The following GALNT13 variants were observed in gnomAD, a reference collection of about 807,000 sequenced individuals.
GALNT13 encodes the protein UDP-GalNAc:polypeptide N-acetylgalactosaminyltransferase 13.
In GALNT13, 28 loss-of-function variants were observed where a neutral mutation model predicts 64.2. That is an observed-to-expected ratio of 0.44 (90% confidence interval 0.32 to 0.60). The LOEUF (loss-of-function observed/expected upper bound fraction) is 0.60. Ranked by LOEUF, GALNT13 falls within the 20% of genes least tolerant of loss-of-function variation. GALNT13 has a pLI of 0.05. For missense variants in GALNT13, 577 were observed against 669.8 expected (o/e 0.86, Z 1.53); for synonymous variants, 214 against 224.6 (o/e 0.95, Z 0.42).
chr2:154,054,439 G>A (rs934964405), intron 3 of GALNT13, among the ~76,000 whole-genome samples: 6 of 151,980 alleles, frequency 3.9e-5, no homozygotes, highest in Admixed American at 2.0e-4. Flanking sequence ...CATAAATTCT[G>A]CCATAGAAGT....
chr2:154,317,488 C>T (rs989801949), intron 9 of GALNT13, among the ~76,000 whole-genome samples: 1 of 151,982 alleles, frequency 6.6e-6, no homozygotes, highest in Non-Finnish European at 1.5e-5. Context: ...ATTTCTTATC[C>T]AAACTTTCTA....
chr2:154,198,288 T>C (rs1686983495), intron 4 of GALNT13, among the ~76,000 whole-genome samples: 1 of 152,080 alleles, frequency 6.6e-6, no homozygotes. Context: ...TCAGAATAAG[T>C]TACCAGCAGG....
At chr2:153,606,758 G>C in the GALNT13 span, among the ~76,000 whole-genome samples, 1 of 151,844 alleles carries the variant, frequency 6.6e-6, no homozygotes, top group African/African-American at 2.4e-5. Context: ...TCTAAAGGTG[G>C]CATTCTGGCC....
the GALNT13 span, among the ~76,000 whole-genome samples, chr2:153,195,900 G>C: frequency 2.0e-5 from 3 of 152,302 alleles, no homozygotes; most frequent in East Asian, 5.8e-4. Context: ...GGTGTCCCAT[G>C]AGTGTTCAGC....
At chr2:153,974,551 C>A (rs72993639) in intron 3 of GALNT13, among the ~76,000 whole-genome samples, 8,487 of 151,948 alleles carry the variant, frequency 0.056, 353 homozygotes, top group East Asian at 0.13. Flanking sequence ...TATTTTGGAG[C>A]TTGCATGCTA....
At chr2:153,609,435 CCT>C in the GALNT13 span, among the ~76,000 whole-genome samples, 33 of 152,100 alleles carry the variant, frequency 2.2e-4, no homozygotes, top group African/African-American at 8.0e-4. Context: ...CCCTGCCACC[CCT>C]GTTGACTTCC....
chr2:153,510,254 T>G, the GALNT13 span, among the ~76,000 whole-genome samples: 1 of 152,126 alleles, frequency 6.6e-6, no homozygotes, highest in Admixed American at 6.5e-5. Context: ...GGGACAAGGG[T>G]AAACGTTTCT....
chr2:153,260,879 TC>T, the GALNT13 span, among the ~76,000 whole-genome samples: 1 of 152,060 alleles, frequency 6.6e-6, no homozygotes, highest in South Asian at 2.1e-4. Context: ...TGAGCTTCAT[TC>T]TTTTTTATTC....
At chr2:153,168,512 G>T in the GALNT13 span, among the ~76,000 whole-genome samples, 1 of 151,950 alleles carries the variant, frequency 6.6e-6, no homozygotes, top group African/African-American at 2.4e-5. Context: ...GCTAATTAAC[G>T]CATCTCTCCA....
At chr2:153,242,410 G>A in the GALNT13 span, among the ~76,000 whole-genome samples, 2 of 152,174 alleles carry the variant, frequency 1.3e-5, no homozygotes, top group African/African-American at 2.4e-5. Context: ...AGGGAAAGGG[G>A]AAGGAAAGAA....
At chr2:153,759,230 A>G in the GALNT13 span, among the ~76,000 whole-genome samples, 11 of 152,304 alleles carry the variant, frequency 7.2e-5, no homozygotes, top group African/African-American at 2.2e-4. Context: ...ACATAAGATC[A>G]TGTCATCACC....
the GALNT13 span, among the ~76,000 whole-genome samples, chr2:153,104,700 A>G: frequency 3.3e-5 from 5 of 152,290 alleles, no homozygotes; most frequent in East Asian, 1.9e-4. Context: ...GACTAGATAT[A>G]TAAACATGTA....
At chr2:153,609,167 T>TGCGAGCTCAA in the GALNT13 span, among the ~76,000 whole-genome samples, 27 of 113,470 alleles carry the variant, frequency 2.4e-4, no homozygotes, top group African/African-American at 1.1e-3. Context: ...GTCTTGAACT[T>TGCGAGCTCAA]GTGAGCCTGC....
chr2:153,093,116 G>T, the GALNT13 span, among the ~76,000 whole-genome samples: 1 of 151,138 alleles, frequency 6.6e-6, no homozygotes, highest in Non-Finnish European at 1.5e-5. Context: ...TTTATCACCT[G>T]GTTTTTATCC....
At chr2:154,222,645 AT>A (rs1390760285) in intron 4 of GALNT13, among the ~76,000 whole-genome samples, 2 of 152,104 alleles carry the variant, frequency 1.3e-5, no homozygotes, top group Non-Finnish European at 2.9e-5. Context: ...AAGGTCAGTG[AT>A]TGGAGAATTC....
chr2:153,896,353 A>AT (rs1336808249), intron 1 of GALNT13, among the ~76,000 whole-genome samples: 1 of 150,810 alleles, frequency 6.6e-6, no homozygotes, highest in Non-Finnish European at 1.5e-5. Context: ...ATTCTCCTGT[A>AT]TTTTATATAT....
chr2:153,584,676 A>G, the GALNT13 span, among the ~76,000 whole-genome samples: 7 of 152,196 alleles, frequency 4.6e-5, no homozygotes, highest in Non-Finnish European at 1.0e-4. Flanking sequence ...GTGCCAGCAT[A>G]TGGTGCACAG....
rs1177737679 is a variant in GALNT13, at chr2:154,453,032, A to C, written c.*2481A>C. On this transcript the variant is annotated 3_prime_UTR_variant, in exon 13 of 13. Transcript: ENST00000392825. Reference sequence around the variant, plus strand: ...TCTATTTCTGTTTCAACTCTCGTCTAATCCAACAGCAAATCCCCTTGATGC... The same window carrying C: ...TCTATTTCTGTTTCAACTCTCGTCTCATCCAACAGCAAATCCCCTTGATGC... 6.6e-6 allele frequency: 1 copy of C among 152,154 alleles called. No homozygotes were observed. Among genetic ancestry groups the C allele is most frequent in the Non-Finnish European group, 1.5e-5 (1 of 68,042 alleles). 9.4% of individuals were successfully genotyped at this position (152,154 alleles called of 1,614,324 possible). A position where few individuals can be genotyped will look rare whatever the true frequency, so the allele number is the denominator to read the frequency against.
intron 9 of GALNT13, among the ~76,000 whole-genome samples, chr2:154,388,025 A>G (rs1024315182): frequency 1.3e-5 from 2 of 152,132 alleles, no homozygotes; most frequent in African/African-American, 4.8e-5. Flanking sequence ...GTACTAATTT[A>G]TATTTCCATC....
Sources: allele counts gnomAD v4.1 joint callset (sites outside exome capture counted in the v4.1 genomes callset), GRCh38; gene constraint gnomAD v4.1.1; transcripts MANE v1.5; gene names NCBI Gene and HGNC (gene_info 2026-07-23, HGNC 2026-07-21).